The following LRRTM4 variants were observed in gnomAD, a reference collection of about 807,000 sequenced individuals.
LRRTM4 encodes the protein leucine-rich repeat transmembrane neuronal protein 4.
In LRRTM4, 25 loss-of-function variants were observed where a neutral mutation model predicts 47.6. The ratio of observed to expected loss-of-function variants is 0.53; its 90% CI spans 0.38 to 0.73. LRRTM4 has a LOEUF of 0.73. Ranked by LOEUF, LRRTM4 falls within the 30% of genes least tolerant of loss-of-function variation. The pLI, the probability that LRRTM4 is intolerant of heterozygous loss-of-function variation, is 0.00. For missense variants in LRRTM4, 638 were observed against 713.4 expected, an observed-to-expected ratio of 0.89 and a Z score of 1.20; for synonymous variants, 311 against 269.5, an observed-to-expected ratio of 1.15 and a Z score of -1.51.
chr2:76,934,266 A>G (rs549600566), intron 3 of LRRTM4, among the ~76,000 whole-genome samples: 2 of 152,330 alleles, frequency 1.3e-5, no homozygotes, highest in Middle Eastern at 3.4e-3. Context: ...ACACATATGT[A>G]TAACTTTATC....
At chr2:76,945,095 C>T (rs1675279753) in intron 3 of LRRTM4, among the ~76,000 whole-genome samples, 1 of 151,928 alleles carries the variant, frequency 6.6e-6, no homozygotes, top group South Asian at 2.1e-4. Flanking sequence ...GCCAAGGTCA[C>T]AGATAAAGTA....
At chr2:76,779,325 T>A (rs1429629266) in intron 3 of LRRTM4, among the ~76,000 whole-genome samples, 3 of 150,758 alleles carry the variant, frequency 2.0e-5, no homozygotes, top group African/African-American at 4.9e-5. Flanking sequence ...TTGTTGACTT[T>A]CTGTCTCATT....
chr2:77,245,536 A>AG (rs959337648), intron 3 of LRRTM4, among the ~76,000 whole-genome samples: 3 of 86,328 alleles, frequency 3.5e-5, no homozygotes, highest in East Asian at 5.3e-4. Context: ...AAAAAAAAAA[A>AG]AAGAAGAAGA....
Position 76,806,556 on chromosome 2 carries a change from G to A in LRRTM4, c.1552-57640C>T, listed in dbSNP as rs1675977162. Among the ~76,000 whole-genome samples the A allele has an allele frequency of 3.3e-5, 5 of 151,818 alleles. No homozygotes were observed. In the South Asian group the frequency reaches 1.0e-3, roughly 32 times the overall value. On this transcript the variant is annotated intron_variant, in intron 3 of 3. Coordinates refer to ENST00000409884, the MANE Select transcript of LRRTM4 (RefSeq NM_001134745.3). ...AGATCACGTCATTGCACTCCAGCCT[G>A]GACAACAAGAGGAAAACCCCGTCTC...
rs1372463117 is a variant in LRRTM4 at position 77,103,660 on chromosome 2, TATAG to T, written c.1552-354748_1552-354745del. Among the ~76,000 whole-genome samples the T allele has an allele frequency of 1.3e-3, 192 of 145,202 alleles. 3 individuals carry two copies. The highest frequency in any genetic ancestry group is 4.1e-3 in the African/African-American group (159 of 38,450). Reference sequence around the variant, plus strand: ...ATATACATGAGTGTATATATATATATATAGATATATATATCACATATATGTATAT... The same window carrying T: ...ATATACATGAGTGTATATATATATATATATATATATCACATATATGTATAT... On this transcript the variant is annotated intron_variant, in intron 3 of 3. Transcript: ENST00000409884.
At chr2:77,112,264 TTGTTTA>T (rs1671271586) in intron 3 of LRRTM4, among the ~76,000 whole-genome samples, 2 of 152,194 alleles carry the variant, frequency 1.3e-5, no homozygotes, top group African/African-American at 4.8e-5. Flanking sequence ...TTACTTCTAT[TTGTTTA>T]TGTTTTTCTT....
chr2:77,214,329 A>G (rs1048742302), intron 3 of LRRTM4, among the ~76,000 whole-genome samples: 1 of 152,182 alleles, frequency 6.6e-6, no homozygotes, highest in Admixed American at 6.5e-5. Context: ...TGGATTCTCT[A>G]CTTTTACAAA....
chr2:77,493,920 A>G (rs1246000602), intron 3 of LRRTM4, among the ~76,000 whole-genome samples: 1 of 152,162 alleles, frequency 6.6e-6, no homozygotes, highest in Non-Finnish European at 1.5e-5. Context: ...AATACTTAAT[A>G]TTTAATAGGC....
intron 3 of LRRTM4, among the ~76,000 whole-genome samples, chr2:77,313,669 T>G (rs1178665197): frequency 1.3e-5 from 2 of 152,166 alleles, no homozygotes; most frequent in Non-Finnish European, 2.9e-5. Flanking sequence ...TGTTAATCAA[T>G]TGTTATGATC....
chr2:77,022,344 C>A (rs548241003), intron 3 of LRRTM4, among the ~76,000 whole-genome samples: 33 of 152,068 alleles, frequency 2.2e-4, no homozygotes, highest in Non-Finnish European at 3.8e-4. Context: ...GGACACAGAG[C>A]CAAACCATAT....
chr2:76,772,355 T>C (rs1448282926), intron 3 of LRRTM4, among the ~76,000 whole-genome samples: 1 of 152,154 alleles, frequency 6.6e-6, no homozygotes, highest in Non-Finnish European at 1.5e-5. Context: ...AGGGTACTTT[T>C]TGTTATAGCA....
intron 3 of LRRTM4, among the ~76,000 whole-genome samples, chr2:77,238,463 T>C (rs1675169571): frequency 2.0e-5 from 3 of 151,890 alleles, no homozygotes; most frequent in African/African-American, 7.2e-5. Context: ...ATACCGTGCC[T>C]TCCTAATACA....
rs185547986 is a variant in LRRTM4, at chr2:77,003,879, T to C, written c.1552-254963A>G. 4.6e-5 allele frequency among the ~76,000 whole-genome samples: 7 copies of C among 152,254 alleles called. No individual in the cohort carries two copies. In the East Asian group the frequency reaches 5.8e-4, roughly 13 times the overall value. ...TGAATGGTTTTGACCAAAAAGCTAATAGTGTTATGAACAATAAAATCCAGG... is the reference window on the plus strand; with the variant it reads ...TGAATGGTTTTGACCAAAAAGCTAACAGTGTTATGAACAATAAAATCCAGG... On this transcript the variant is annotated intron_variant, in intron 3 of 3. Coordinates refer to ENST00000409884, the MANE Select transcript of LRRTM4 (RefSeq NM_001134745.3).
At chr2:77,307,572 A>C (rs1473641758) in intron 3 of LRRTM4, among the ~76,000 whole-genome samples, 1 of 128,838 alleles carries the variant, frequency 7.8e-6, no homozygotes, top group Non-Finnish European at 1.6e-5. Context: ...AAATATATAG[A>C]TATATCTATA....
chr2:77,088,702 G>T (rs1680814638), intron 3 of LRRTM4, among the ~76,000 whole-genome samples: 1 of 152,110 alleles, frequency 6.6e-6, no homozygotes, highest in East Asian at 1.9e-4. Context: ...TGGATCAGGG[G>T]ACTTCCCCTA....
At chr2:77,138,042 T>C (rs903937608) in intron 3 of LRRTM4, among the ~76,000 whole-genome samples, 51 of 152,160 alleles carry the variant, frequency 3.4e-4, no homozygotes, top group African/African-American at 1.1e-3. Context: ...TTTAACACCC[T>C]ACTGTCAACA....
chr2:77,138,757 T>A (rs1258164355), intron 3 of LRRTM4, among the ~76,000 whole-genome samples: 1 of 151,024 alleles, frequency 6.6e-6, no homozygotes, highest in Non-Finnish European at 1.5e-5. Context: ...GAGAGAAGAA[T>A]CAAATAGACG....
At chr2:76,790,234 G>A (rs1674900965) in intron 3 of LRRTM4, among the ~76,000 whole-genome samples, 1 of 152,168 alleles carries the variant, frequency 6.6e-6, no homozygotes, top group South Asian at 2.1e-4. Flanking sequence ...AACTAATAAT[G>A]AGACAGTCAT....
intron 3 of LRRTM4, among the ~76,000 whole-genome samples, chr2:77,183,266 T>C (rs1402956013): frequency 4.6e-5 from 7 of 151,868 alleles, no homozygotes; most frequent in Admixed American, 2.0e-4. Flanking sequence ...AAAACGTGGG[T>C]GAAGGATATG....
Sources: gnomAD v4.1 joint callset for allele counts (sites outside exome capture counted in the v4.1 genomes callset) on GRCh38, gnomAD v4.1.1 for gene constraint, MANE v1.5 for transcripts, NCBI Gene and HGNC (gene_info 2026-07-23, HGNC 2026-07-21) for gene names.